VCF1: variants seen among roughly 807,000 people sequenced by gnomAD.
VCF1 encodes the protein protein VCF1.
chr17:73,221,046 G>A, the VCF1 span, among the ~76,000 whole-genome samples: 4 of 150,438 alleles, frequency 2.7e-5, no homozygotes, highest in African/African-American at 7.5e-5. Flanking sequence ...TTACAGGTAC[G>A]CGCCACCACG....
At chr17:73,223,695 A>T in the VCF1 span, among the ~76,000 whole-genome samples, 1 of 152,188 alleles carries the variant, frequency 6.6e-6, no homozygotes, top group Non-Finnish European at 1.5e-5. Flanking sequence ...AAGAATTCTT[A>T]AACAGCCAGG....
chr17:73,229,867 C>CAAAAAAAAAAA, the VCF1 span, among the ~76,000 whole-genome samples: 2 of 22,624 alleles, frequency 8.8e-5, no homozygotes, highest in African/African-American at 2.9e-4. Context: ...GACTCCATCT[C>CAAAAAAAAAAA]AAAAAAAAAA....
At chr17:73,229,270 CA>C in the VCF1 span, 1 of 985,432 alleles carries the variant, frequency 1.0e-6, no homozygotes, top group Non-Finnish European at 1.2e-6. Context: ...AGGCTCTTAG[CA>C]GATCTCATCC....
At chr17:73,226,304 A>G in the VCF1 span, among the ~76,000 whole-genome samples, 1 of 152,370 alleles carries the variant, frequency 6.6e-6, no homozygotes, top group South Asian at 2.1e-4. Flanking sequence ...TGTTACCTAC[A>G]TGAAAGTTCC....
At chr17:73,225,867 A>AT in the VCF1 span, among the ~76,000 whole-genome samples, 4 of 110,710 alleles carry the variant, frequency 3.6e-5, no homozygotes, top group African/African-American at 1.1e-4. Flanking sequence ...ATAGGAAAAA[A>AT]ATATATATAT....
chr17:73,225,775 C>T, the VCF1 span, among the ~76,000 whole-genome samples: 1 of 150,054 alleles, frequency 6.7e-6, no homozygotes, highest in Non-Finnish European at 1.5e-5. Flanking sequence ...TTCTTTCATC[C>T]CTGAGATTCC....
the VCF1 span, chr17:73,207,680 G>C: frequency 1.2e-5 from 15 of 1,293,998 alleles, no homozygotes; most frequent in Non-Finnish European, 1.5e-5. Flanking sequence ...ACATTTTCTT[G>C]TTAATACACG....
the VCF1 span, chr17:73,208,297 T>G: frequency 6.2e-7 from 1 of 1,612,876 alleles, no homozygotes. Flanking sequence ...GGCACTTTTC[T>G]CTACATCCAA....
chr17:73,209,906 A>C, the VCF1 span: 3 of 1,348,422 alleles, frequency 2.2e-6, no homozygotes, highest in Non-Finnish European at 3.0e-6. Context: ...TGGGCTTTGG[A>C]ATTGATAAAG....
At chr17:73,229,846 C>T in the VCF1 span, among the ~76,000 whole-genome samples, 6 of 64,988 alleles carry the variant, frequency 9.2e-5, no homozygotes, top group Middle Eastern at 0.019. Flanking sequence ...CCAGCCTGGC[C>T]GACACAGTGA....
the VCF1 span, among the ~76,000 whole-genome samples, chr17:73,222,197 C>CAAAA: frequency 0.013 from 1,587 of 125,986 alleles, 33 homozygotes; most frequent in African/African-American, 0.041. Flanking sequence ...GACCCTGTCT[C>CAAAA]AAAAAAAAAA....
chr17:73,209,565 G>A, the VCF1 span: 1 of 1,588,730 alleles, frequency 6.3e-7, no homozygotes, highest in Non-Finnish European at 8.6e-7. Context: ...GTAGGCTGTG[G>A]AAGTGGGCCT....
the VCF1 span, among the ~76,000 whole-genome samples, chr17:73,221,592 C>T: frequency 1.3e-5 from 2 of 151,818 alleles, no homozygotes; most frequent in Admixed American, 6.6e-5. Context: ...TGGCTTTACA[C>T]GAAACAAAAA....
the VCF1 span, among the ~76,000 whole-genome samples, chr17:73,219,478 T>A: frequency 1.3e-5 from 2 of 150,856 alleles, no homozygotes; most frequent in East Asian, 4.0e-4. Flanking sequence ...TGGAACCCCG[T>A]CTCTACTAAA....
the VCF1 span, chr17:73,232,077 C>G: frequency 1.3e-6 from 2 of 1,595,768 alleles, no homozygotes; most frequent in Non-Finnish European, 1.7e-6. Flanking sequence ...GGGGTCCCTT[C>G]CCTCTCACCT....
At chr17:73,230,088 G>A in the VCF1 span, among the ~76,000 whole-genome samples, 2 of 152,012 alleles carry the variant, frequency 1.3e-5, no homozygotes, top group Non-Finnish European at 2.9e-5. Context: ...CTTGAGCCCA[G>A]GAGTTCAAGA....
chr17:73,216,734 C>T, the VCF1 span, among the ~76,000 whole-genome samples: 1 of 152,094 alleles, frequency 6.6e-6, no homozygotes, highest in African/African-American at 2.4e-5. Context: ...AAGCAGAGGA[C>T]GGGGAAGTTG....
the VCF1 span, among the ~76,000 whole-genome samples, chr17:73,217,187 A>C: frequency 0.043 from 6,529 of 151,844 alleles, 412 homozygotes; most frequent in African/African-American, 0.14. Context: ...AAAAACCAAA[A>C]CAAAACAAAA....
chr17:73,224,960 G>GACAGGACAGCACAGC, the VCF1 span, among the ~76,000 whole-genome samples: 3 of 47,270 alleles, frequency 6.3e-5, no homozygotes, highest in Admixed American at 2.0e-4. Flanking sequence ...CACAGGACAG[G>GACAGGACAGCACAGC]ACAGCACAGC....
Sources: gnomAD v4.1 joint callset for allele counts (sites outside exome capture counted in the v4.1 genomes callset) on GRCh38, gnomAD v4.1.1 for gene constraint, MANE v1.5 for transcripts, NCBI Gene and HGNC (gene_info 2026-07-23, HGNC 2026-07-21) for gene names.